The following ARHGAP20 variants were observed in gnomAD, a reference collection of about 807,000 sequenced individuals.
The protein encoded by ARHGAP20 is rho GTPase-activating protein 20.
A neutral mutation model predicts 73.7 loss-of-function variants in ARHGAP20; 34 were observed. The observed-to-expected ratio is 0.46, with a 90% CI of 0.35 to 0.61. The LOEUF (loss-of-function observed/expected upper bound fraction) is 0.61. ARHGAP20 is among the 20% of genes least tolerant of loss of function. The probability of loss-of-function intolerance (pLI) is 0.00; values close to 1 mark genes in which losing one functional copy is unlikely to be tolerated. For synonymous variants in ARHGAP20, 523 were observed against 518.2 expected, an observed-to-expected ratio of 1.01 and a Z score of -0.13; for missense variants, 1,314 against 1,420.9, an observed-to-expected ratio of 0.92 and a Z score of 1.21.
At chr11:110,636,064 C>T (rs1375431453) in intron 2 of ARHGAP20, among the ~76,000 whole-genome samples, 3 of 152,094 alleles carry the variant, frequency 2.0e-5, no homozygotes, top group African/African-American at 4.8e-5. Context: ...CAACAAATAA[C>T]TGCTTCTTGA....
At chr11:110,591,410 T>C (rs1231094399) in intron 10 of ARHGAP20, among the ~76,000 whole-genome samples, 1 of 152,216 alleles carries the variant, frequency 6.6e-6, no homozygotes, top group Non-Finnish European at 1.5e-5. Context: ...ATGCATAATA[T>C]AGTATAAAAT....
At chr11:110,628,042 A>C (rs4938088) in intron 3 of ARHGAP20, among the ~76,000 whole-genome samples, 1 of 151,988 alleles carries the variant, frequency 6.6e-6, no homozygotes, top group Admixed American at 6.6e-5. Context: ...ATTTAGTCAA[A>C]AGAAGGAAGT....
At chr11:110,610,007 GTTAAA>G (rs1390212241) in intron 7 of ARHGAP20, among the ~76,000 whole-genome samples, 1 of 152,002 alleles carries the variant, frequency 6.6e-6, no homozygotes, top group East Asian at 1.9e-4. Flanking sequence ...TCAATTCCTA[GTTAAA>G]TTAACAGTTT....
chr11:110,638,828 C>A (rs1381717625), intron 2 of ARHGAP20, among the ~76,000 whole-genome samples: 1 of 151,736 alleles, frequency 6.6e-6, no homozygotes, highest in Non-Finnish European at 1.5e-5. Flanking sequence ...GGAAGGGGAA[C>A]ATCACACACT....
At position 110,580,247 on chromosome 11, in the gene ARHGAP20, T is replaced by A; in HGVS notation, c.2699A>T (p.Asn900Ile). The change falls in exon 15 of 15, where the codon AAT becomes ATT. Residue 900 changes from asparagine (N) to isoleucine (I), a missense_variant. Asn to Ile is a moderately radical substitution (Grantham distance 149). Coordinates refer to ENST00000683387, the MANE Select transcript of ARHGAP20 (RefSeq NM_001384657.1). ...CTCAATCCCCATGACTAAACTCTGA[T>A]TAATGAGCTTCTGCCCCTCCATTTG... is the stretch of plus-strand genomic sequence containing the variant. ...SLQMEGQKLINQSLVMGIEVG... is the reference protein window; with the variant it reads ...SLQMEGQKLIIQSLVMGIEVG... 1.2e-6 allele frequency: 2 copies of A among 1,614,246 alleles called. No individual in the cohort carries two copies. The highest frequency in any genetic ancestry group is 1.7e-6 in the Non-Finnish European group (2 of 1,180,042).
chr11:110,606,813 A>T, intron 8 of ARHGAP20, 64 bp from the exon 9 acceptor site: 1 of 1,365,716 alleles, frequency 7.3e-7, no homozygotes, highest in Admixed American at 2.6e-5. Flanking sequence ...TGTGTACTGC[A>T]AAATAGGAAT....
In ARHGAP20 at chr11:110,583,658, A is replaced by C; in HGVS notation, c.1495T>G (p.Ser499Ala). ...FGVLHNIEQHSSSNQMTAFNL... is the reference protein window; with the variant it reads ...FGVLHNIEQHASSNQMTAFNL... ...AATGCAGTCATCTGATTGGATGAGG[A>C]ATGTTGCTCAATGTTGTGTAACACC... The change falls in exon 13 of 15, where the codon TCC (serine) becomes GCC (alanine). Residue 499 changes from serine to alanine, a missense_variant. By Grantham distance (99) the Ser-to-Ala change is moderately conservative (BLOSUM62 1). This residue lies in a region of ARHGAP20 where 230 missense variants were observed against 317.6 expected (regional missense o/e 0.72). Coordinates refer to ENST00000683387, the MANE Select transcript of ARHGAP20 (RefSeq NM_001384657.1). 6.2e-7 allele frequency: 1 copy of C among 1,612,632 alleles called. No individual in the cohort carries two copies. The highest frequency in any genetic ancestry group is 1.1e-5 in the South Asian group (1 of 90,890).
intron 3 of ARHGAP20, 61 bp downstream of exon 3, chr11:110,630,567 G>T: frequency 6.7e-7 from 1 of 1,497,012 alleles, no homozygotes; most frequent in Non-Finnish European, 9.2e-7. Context: ...AGTAGAAAGG[G>T]TATCTTTGTT....
intron 9 of ARHGAP20, among the ~76,000 whole-genome samples, chr11:110,602,260 G>A (rs1420665600): frequency 2.0e-5 from 3 of 151,886 alleles, no homozygotes; most frequent in African/African-American, 7.2e-5. Flanking sequence ...AACAATAAAC[G>A]AAAAGTGGAC....
chr11:110,597,752 CATAA>C (rs1271709783), intron 9 of ARHGAP20, among the ~76,000 whole-genome samples: 8 of 152,206 alleles, frequency 5.3e-5, no homozygotes, highest in Non-Finnish European at 8.8e-5. Context: ...TTTACTTTAT[CATAA>C]ATACTCTCAG....
intron 2 of ARHGAP20, 76 bp from the exon 3 acceptor site, chr11:110,630,868 T>A (rs1368009028): frequency 9.5e-6 from 14 of 1,477,276 alleles, no homozygotes; most frequent in South Asian, 2.6e-5. Context: ...ATTCTGTAAT[T>A]TTTTTTAATA....
At chr11:110,611,556 T>C (rs1948367330) in intron 6 of ARHGAP20, among the ~76,000 whole-genome samples, 170 bp from the exon 7 acceptor site, 1 of 152,210 alleles carries the variant, frequency 6.6e-6, no homozygotes, top group Non-Finnish European at 1.5e-5. Flanking sequence ...TTTGCTTTCA[T>C]TCCCTTATAA....
intron 2 of ARHGAP20, among the ~76,000 whole-genome samples, chr11:110,641,418 T>C (rs542936099): frequency 4.6e-5 from 7 of 152,188 alleles, no homozygotes; most frequent in African/African-American, 1.4e-4. Context: ...ACAAGGCACT[T>C]GATAAAACAT....
intron 2 of ARHGAP20, among the ~76,000 whole-genome samples, chr11:110,676,448 AAGG>A (rs1228362552): frequency 6.6e-6 from 1 of 152,174 alleles, no homozygotes; most frequent in Non-Finnish European, 1.5e-5. Context: ...TGGCAGCAGC[AAGG>A]AGAAGTACTG....
chr11:110,686,210 T>A (rs1950128722), intron 2 of ARHGAP20, among the ~76,000 whole-genome samples: 1 of 152,100 alleles, frequency 6.6e-6, no homozygotes, highest in Non-Finnish European at 1.5e-5. Context: ...TTATGTAACT[T>A]TTCAGGAACA....
At chr11:110,709,294 C>A (rs1185377720) in intron 1 of ARHGAP20, among the ~76,000 whole-genome samples, 2 of 152,202 alleles carry the variant, frequency 1.3e-5, no homozygotes, top group Non-Finnish European at 2.9e-5. Context: ...CCATATCTGT[C>A]CTGTTCACTG....
In ARHGAP20 at chr11:110,625,831, T is replaced by C. The variant is rs1470201802; in HGVS notation, c.354-1520A>G. Among the ~76,000 whole-genome samples, 3 of 152,268 alleles carry C rather than the reference T, an allele frequency of 2.0e-5. 1 individual carries two copies. The East Asian group carries it at 5.8e-4, about 29-fold the overall frequency. On this transcript the variant is annotated intron_variant, in intron 3 of 14. Transcript: ENST00000683387. ...GGTACTTCTTGGCATTCAGACCCAT[T>C]TGTGTAAATACTAAAAGTTAAAATG...
intron 2 of ARHGAP20, among the ~76,000 whole-genome samples, chr11:110,639,299 CCT>C (rs1232068894): frequency 1.3e-5 from 2 of 151,208 alleles, no homozygotes; most frequent in Non-Finnish European, 3.0e-5. Context: ...AGCCACATTC[CCT>C]CTCTGTTACT....
At chr11:110,629,149 T>G (rs1948808879) in intron 3 of ARHGAP20, among the ~76,000 whole-genome samples, 1 of 147,024 alleles carries the variant, frequency 6.8e-6, no homozygotes, top group Admixed American at 7.2e-5. Flanking sequence ...TATAAAAAAT[T>G]TTTGTTGTCT....
Sources: allele counts gnomAD v4.1 joint callset (sites outside exome capture counted in the v4.1 genomes callset), GRCh38; gene constraint gnomAD v4.1.1; regional missense constraint gnomAD v4.1.1; transcripts MANE v1.5; gene names NCBI Gene and HGNC (gene_info 2026-07-23, HGNC 2026-07-21).